The following MSI2 variants were observed in gnomAD, a reference collection of about 807,000 sequenced individuals.
MSI2 encodes RNA-binding protein Musashi homolog 2.
Under a neutral mutation model 45.6 loss-of-function variants are expected in MSI2, and 17 were observed. The ratio of observed to expected loss-of-function variants is 0.37; its 90% confidence interval spans 0.26 to 0.56. The LOEUF is 0.56. MSI2 is among the 20% of genes least tolerant of loss of function. The pLI is 0.77. For synonymous variants in MSI2, 156 were observed against 158.2 expected (o/e 0.99, Z 0.11); for missense variants, 293 against 444.2 (o/e 0.66, Z 3.06).
intron 11 of MSI2, among the ~76,000 whole-genome samples, chr17:57,654,549 G>A (rs1567962076): frequency 6.6e-6 from 1 of 152,196 alleles, no homozygotes; most frequent in Non-Finnish European, 1.5e-5. Flanking sequence ...ACTCACTTGG[G>A]TGTGTGCATC....
intron 5 of MSI2, among the ~76,000 whole-genome samples, chr17:57,336,212 G>A (rs910078163): frequency 6.6e-6 from 1 of 152,282 alleles, no homozygotes; most frequent in South Asian, 2.1e-4. Flanking sequence ...TGAGCTATGG[G>A]ATCTGCTGAA....
At chr17:57,293,595 G>GTTTTTTTTTTTTTTTTTTTTT (rs71139983) in intron 5 of MSI2, among the ~76,000 whole-genome samples, 2 of 134,722 alleles carry the variant, frequency 1.5e-5, no homozygotes, top group African/African-American at 3.0e-5. Flanking sequence ...TTGTTTTTTT[G>GTTTTTTTTTTTTTTTTTTTTT]TTTTTTTTTT....
chr17:57,532,532 T>A (rs1373316379), intron 7 of MSI2, among the ~76,000 whole-genome samples: 10 of 152,220 alleles, frequency 6.6e-5, no homozygotes, highest in Non-Finnish European at 1.5e-4. Flanking sequence ...AAAAAATTTT[T>A]GTTTTTCAAA....
intron 5 of MSI2, among the ~76,000 whole-genome samples, chr17:57,361,158 C>T (rs1319594873): frequency 2.0e-5 from 3 of 152,070 alleles, no homozygotes; most frequent in Admixed American, 6.5e-5. Context: ...TGAAAATCTG[C>T]GTATAACTTT....
intron 5 of MSI2, among the ~76,000 whole-genome samples, chr17:57,329,589 G>A (rs1914081631): frequency 6.6e-6 from 1 of 152,188 alleles, no homozygotes; most frequent in Admixed American, 6.5e-5. Flanking sequence ...GGGAGGGTTA[G>A]GGGGTGTGTG....
At chr17:57,534,167 G>A (rs771067061) in intron 7 of MSI2, among the ~76,000 whole-genome samples, 3 of 152,214 alleles carry the variant, frequency 2.0e-5, no homozygotes, top group Non-Finnish European at 2.9e-5. Context: ...GAGCTGGGAC[G>A]TAAACCCAGC....
chr17:57,471,829 C>A (rs1201373979), intron 6 of MSI2, among the ~76,000 whole-genome samples: 1 of 152,148 alleles, frequency 6.6e-6, no homozygotes, highest in Non-Finnish European at 1.5e-5. Flanking sequence ...CACTTCTGCC[C>A]CAGAGCATCA....
chr17:57,321,001 C>T (rs1598115825), intron 5 of MSI2, among the ~76,000 whole-genome samples: 2 of 151,810 alleles, frequency 1.3e-5, no homozygotes, highest in African/African-American at 4.8e-5. Context: ...TTCATCCAGC[C>T]CTCTAGATTC....
intron 10 of MSI2, among the ~76,000 whole-genome samples, chr17:57,639,008 G>A (rs559879747): frequency 3.9e-5 from 6 of 152,274 alleles, no homozygotes; most frequent in South Asian, 2.1e-4. Context: ...TTCCTGGTTC[G>A]TAGACTGCCA....
intron 6 of MSI2, among the ~76,000 whole-genome samples, chr17:57,418,349 T>A (rs1038989051): frequency 6.6e-6 from 1 of 152,252 alleles, no homozygotes; most frequent in African/African-American, 2.4e-5. Context: ...TTTGAAATAG[T>A]CATCCTTTTA....
At chr17:57,632,506 C>T (rs1909477745) in intron 10 of MSI2, 1 of 1,066,504 alleles carries the variant, frequency 9.4e-7, no homozygotes, top group Non-Finnish European at 1.1e-6. Flanking sequence ...CCACAGTGGG[C>T]CCCGCCTTCC....
rs386386327 is a variant in MSI2, at chr17:57,295,992, CTTTTTTTTTTTTTTTTTTTT to C, written c.312+33815_312+33834del. ...TGAGTTACCAGTTCACGCAGCCTTC[CTTTTTTTTTTTTTTTTTTTT>C]TTTTTTTTTTTTTTGCCTTACTACA... On this transcript the variant is annotated intron_variant, in intron 5 of 13. Coordinates refer to ENST00000284073, the MANE Select transcript of MSI2 (RefSeq NM_138962.4). 8.3e-3 allele frequency among the ~76,000 whole-genome samples: 321 copies of C among 38,700 alleles called. 2 individuals carry two copies. Among genetic ancestry groups the C allele is most frequent in the Non-Finnish European group, 0.015 (280 of 18,564 alleles). The allele number at this position is 38,700 out of a possible 152,430, so 25.4% of individuals were successfully genotyped here.
chr17:57,456,636 G>A (rs1191011046), intron 6 of MSI2, among the ~76,000 whole-genome samples: 3 of 151,870 alleles, frequency 2.0e-5, no homozygotes, highest in African/African-American at 7.3e-5. Context: ...GACTTGCCCT[G>A]TGTTGGAGAT....
intron 6 of MSI2, among the ~76,000 whole-genome samples, chr17:57,402,882 G>A (rs551511667): frequency 6.6e-6 from 1 of 152,272 alleles, no homozygotes; most frequent in Admixed American, 6.5e-5. Context: ...GAATAGCCAA[G>A]TGTGTTGATG....
At chr17:57,468,126 G>A (rs1164412979) in intron 6 of MSI2, among the ~76,000 whole-genome samples, 2 of 151,846 alleles carry the variant, frequency 1.3e-5, no homozygotes, top group Non-Finnish European at 2.9e-5. Flanking sequence ...TGTCTGTTAC[G>A]TAACCTCTTA....
intron 6 of MSI2, among the ~76,000 whole-genome samples, chr17:57,487,792 A>C (rs1446491199): frequency 1.3e-5 from 2 of 148,756 alleles, no homozygotes; most frequent in Admixed American, 6.7e-5. Flanking sequence ...CCCTTTGTGA[A>C]CTCCCATAGC....
At chr17:57,473,314 G>A (rs1239019819) in intron 6 of MSI2, among the ~76,000 whole-genome samples, 1 of 152,152 alleles carries the variant, frequency 6.6e-6, no homozygotes. Context: ...ATATATGCGT[G>A]TGTGAGTATG....
rs1264808043 is a variant in MSI2 at position 57,487,673 on chromosome 17, A to G, written c.406-42003A>G. ...ATGAGGTCCTCCCAGGTGCAGGTGCACTCTCCATGCCTCTGCCTTCTCACG... is the reference window on the plus strand; with the variant it reads ...ATGAGGTCCTCCCAGGTGCAGGTGCGCTCTCCATGCCTCTGCCTTCTCACG... On this transcript the variant is annotated intron_variant, in intron 6 of 13. Coordinates refer to ENST00000284073, the MANE Select transcript of MSI2 (RefSeq NM_138962.4). 2.6e-5 allele frequency among the ~76,000 whole-genome samples: 4 copies of G among 151,444 alleles called. No individual in the cohort carries two copies. The East Asian group carries it at 7.9e-4, about 30-fold the overall frequency.
At chr17:57,263,649 T>C (rs1238165234) in intron 5 of MSI2, 1 of 152,218 alleles carries the variant, frequency 6.6e-6, no homozygotes, top group Non-Finnish European at 1.5e-5. Flanking sequence ...GGTAAAACCA[T>C]GGGTTTGACC....
Sources: gnomAD v4.1 joint callset for allele counts (sites outside exome capture counted in the v4.1 genomes callset) on GRCh38, gnomAD v4.1.1 for gene constraint, MANE v1.5 for transcripts, NCBI Gene and HGNC (gene_info 2026-07-23, HGNC 2026-07-21) for gene names.